The following MTCH2 variants were observed in gnomAD, a reference collection of about 807,000 sequenced individuals.
MTCH2 encodes the protein mitochondrial carrier homolog 2.
In MTCH2, 25 loss-of-function variants were observed where a neutral mutation model predicts 50.6. The ratio of observed to expected loss-of-function variants is 0.49; its 90% confidence interval spans 0.36 to 0.69. The LOEUF is 0.69. MTCH2 is among the 30% of genes least tolerant of loss of function. The probability of loss-of-function intolerance (pLI) is 0.00; values close to 1 mark genes in which losing one functional copy is unlikely to be tolerated. For synonymous variants in MTCH2, 106 were observed against 132.0 expected, an observed-to-expected ratio of 0.80 and a Z score of 1.35; for missense variants, 273 against 384.4, an observed-to-expected ratio of 0.71 and a Z score of 2.42.
At chr11:47,623,391 A>G (rs2153798732) in intron 11 of MTCH2, among the ~76,000 whole-genome samples, 1 of 151,320 alleles carries the variant, frequency 6.6e-6, no homozygotes, top group African/African-American at 2.4e-5. Flanking sequence ...AAAAAAAAAA[A>G]AAAAAAGAGC....
chr11:47,615,098 G>A (rs2097287617), downstream of MTCH2, among the ~76,000 whole-genome samples: 1 of 133,824 alleles, frequency 7.5e-6, no homozygotes, highest in Non-Finnish European at 1.5e-5. Flanking sequence ...GTGCAGTGGT[G>A]CGACCATAGG....
chr11:47,639,487 C>T (rs1461884977), intron 1 of MTCH2, among the ~76,000 whole-genome samples: 2 of 152,244 alleles, frequency 1.3e-5, no homozygotes, highest in African/African-American at 4.8e-5. Flanking sequence ...AAGGCAAATG[C>T]AGATATAGCT....
At chr11:47,624,877 C>T (rs1357278330) in intron 11 of MTCH2, among the ~76,000 whole-genome samples, 2 of 152,194 alleles carry the variant, frequency 1.3e-5, no homozygotes, top group African/African-American at 4.8e-5. Flanking sequence ...CACCGGAGGT[C>T]AGGAGTTCAG....
chr11:47,610,847 T>C, the MTCH2 span, among the ~76,000 whole-genome samples: 1 of 152,186 alleles, frequency 6.6e-6, no homozygotes, highest in Admixed American at 6.5e-5. Flanking sequence ...CCACCCAAGA[T>C]CCCCACTATC....
In MTCH2 at chr11:47,618,848, C is replaced by A. The variant is rs755433895; in HGVS notation, c.897G>T (p.Leu299=). Residue 299 remains leucine (L), a synonymous_variant, in exon 13 of 13, where the codon CTG becomes CTT. Coordinates refer to ENST00000302503, the MANE Select transcript of MTCH2 (RefSeq NM_014342.4). ...VPFGKTYCCD[L]KMLI ...CCCCACATCTTCAAATTAACATTTT[C>A]AGGTCACAACAATAAGTCTTCCCAA... The A allele has an allele frequency of 3.1e-6, 5 of 1,613,808 alleles. No homozygotes were observed. Among genetic ancestry groups the A allele is most frequent in the Admixed American group, 1.7e-5 (1 of 60,030 alleles).
intron 5 of MTCH2, among the ~76,000 whole-genome samples, chr11:47,633,539 T>A (rs901170994): frequency 2.6e-5 from 3 of 117,210 alleles, no homozygotes; most frequent in African/African-American, 6.6e-5. Flanking sequence ...TTTTTTTTTT[T>A]TTTTTTTTTT....
chr11:47,614,295 A>T (rs1281203748), downstream of MTCH2, among the ~76,000 whole-genome samples: 1 of 152,122 alleles, frequency 6.6e-6, no homozygotes, highest in African/African-American at 2.4e-5. Context: ...GCTTAATTAG[A>T]GTCTCACATA....
intron 2 of MTCH2, 53 bp from the exon 3 acceptor site, chr11:47,638,858 T>C (rs1296581867): frequency 6.3e-6 from 10 of 1,586,350 alleles, no homozygotes; most frequent in Middle Eastern, 1.7e-4. Context: ...GAAATGGATA[T>C]ACTACAATTT....
At chr11:47,609,571 G>C in the MTCH2 span, among the ~76,000 whole-genome samples, 17 of 143,484 alleles carry the variant, frequency 1.2e-4, no homozygotes, top group Non-Finnish European at 2.4e-4. Flanking sequence ...AGGTTGCAGT[G>C]AGTTGGGATC....
At chr11:47,638,944 C>T (rs769245567) in intron 2 of MTCH2, 23 bp downstream of exon 2, 2 of 1,597,926 alleles carry the variant, frequency 1.3e-6, no homozygotes, top group Non-Finnish European at 1.7e-6. Flanking sequence ...TCATGCAAAC[C>T]CAAATAAATC....
the MTCH2 span, among the ~76,000 whole-genome samples, chr11:47,611,260 C>G: frequency 6.6e-6 from 1 of 152,254 alleles, no homozygotes; most frequent in Non-Finnish European, 1.5e-5. Context: ...GTGAGCCCCT[C>G]AGGGGGAGGA....
chr11:47,620,076 CAAACA>C (rs577608987), intron 12 of MTCH2, among the ~76,000 whole-genome samples: 233 of 151,266 alleles, frequency 1.5e-3, no homozygotes, highest in Middle Eastern at 6.9e-3. Flanking sequence ...GCCTCCGTCT[CAAACA>C]AAACAAAACA....
At chr11:47,606,997 C>T in the MTCH2 span, among the ~76,000 whole-genome samples, 1 of 152,192 alleles carries the variant, frequency 6.6e-6, no homozygotes, top group African/African-American at 2.4e-5. Flanking sequence ...CTTCCACGAG[C>T]TCATCTAGCA....
chr11:47,620,098 A>C (rs2097291876), intron 12 of MTCH2, among the ~76,000 whole-genome samples: 1 of 151,682 alleles, frequency 6.6e-6, no homozygotes, highest in South Asian at 2.1e-4. Context: ...AACAAAACAA[A>C]ACAAAAAAAC....
chr11:47,635,017 C>T (rs929517466), intron 4 of MTCH2, among the ~76,000 whole-genome samples: 2 of 152,142 alleles, frequency 1.3e-5, no homozygotes, highest in South Asian at 4.1e-4. Flanking sequence ...GTGATCTCCA[C>T]CTGCCTCGGC....
chr11:47,638,570 A>AAGG, intron 3 of MTCH2, 129 bp downstream of exon 3: 1 of 610,622 alleles, frequency 1.6e-6, no homozygotes, highest in Non-Finnish European at 2.7e-6. Context: ...AAAAAAAGAA[A>AAGG]GTGTTTTTCA....
At chr11:47,610,725 A>AT in the MTCH2 span, among the ~76,000 whole-genome samples, 16 of 152,130 alleles carry the variant, frequency 1.1e-4, no homozygotes, top group Non-Finnish European at 2.4e-4. Context: ...GAAAACTGTA[A>AT]TGAGTATTAC....
chr11:47,612,005 C>G, the MTCH2 span, among the ~76,000 whole-genome samples: 1 of 152,124 alleles, frequency 6.6e-6, no homozygotes, highest in Admixed American at 6.6e-5. Context: ...GGACCTCTCT[C>G]TAGACAGCAA....
At chr11:47,631,757 T>A in intron 5 of MTCH2, 46 bp from the exon 6 acceptor site, 1 of 1,599,600 alleles carries the variant, frequency 6.3e-7, no homozygotes, top group Non-Finnish European at 8.6e-7. Context: ...CAAATGACAC[T>A]CAAATGCCTG....
Sources: gnomAD v4.1 joint callset for allele counts (sites outside exome capture counted in the v4.1 genomes callset) on GRCh38, gnomAD v4.1.1 for gene constraint, MANE v1.5 for transcripts, NCBI Gene and HGNC (gene_info 2026-07-23, HGNC 2026-07-21) for gene names.